Variants in KDM2B observed in about 807,000 individuals in gnomAD.
KDM2B encodes the protein lysine demethylase 2B, also known as lysine-specific demethylase 2B.
KDM2B carries 26 observed loss-of-function variants against 150.0 expected under a neutral mutation model. The observed-to-expected ratio is 0.17, with a 90% CI of 0.13 to 0.24. The LOEUF is 0.24. Ranked by LOEUF, KDM2B falls within the 10% of genes least tolerant of loss-of-function variation. KDM2B has a pLI of 1.00. For synonymous variants in KDM2B, 734 were observed against 729.5 expected (o/e 1.01, Z -0.10); for missense variants, 1,265 against 1,816.9 (o/e 0.70, Z 5.52).
intron 22 of KDM2B, 33 bp downstream of exon 22, chr12:121,439,824 G>A: frequency 6.6e-7 from 1 of 1,524,290 alleles, no homozygotes; most frequent in Non-Finnish European, 9.1e-7. Flanking sequence ...CCCACGGAGT[G>A]TTAGGCAGAC....
At chr12:121,573,479 T>C (rs1425554913) in intron 4 of KDM2B, among the ~76,000 whole-genome samples, 1 of 151,990 alleles carries the variant, frequency 6.6e-6, no homozygotes, top group African/African-American at 2.4e-5. Flanking sequence ...TTCACCATGT[T>C]GCCCAGTCTG....
intron 8 of KDM2B, among the ~76,000 whole-genome samples, chr12:121,527,624 A>C (rs1163425819): frequency 7.0e-6 from 1 of 142,700 alleles, no homozygotes. Flanking sequence ...ACTGCACTCC[A>C]GACTGGGTGA....
At position 121,434,593 on chromosome 12, in the gene KDM2B, A is replaced by G. The variant is rs967085375; in HGVS notation, c.3830-4124T>C. 5.3e-5 allele frequency among the ~76,000 whole-genome samples: 8 copies of G among 152,268 alleles called. No homozygotes were observed. In the East Asian group the frequency reaches 1.3e-3, roughly 26 times the overall value. On this transcript the variant is annotated intron_variant, in intron 22 of 22. Transcript: ENST00000377071. The stretch of plus-strand genomic sequence containing the variant: ...TTTTGAAAAGGGTGCTGCCAACAGC[A>G]TTCAATGAAGTAATAAATAATCTTT...
the KDM2B span, among the ~76,000 whole-genome samples, chr12:121,411,290 G>C: frequency 6.6e-6 from 1 of 152,032 alleles, no homozygotes; most frequent in South Asian, 2.1e-4. Flanking sequence ...TTTTCTTTCT[G>C]GGGAACAAAG....
At position 121,548,996 on chromosome 12, in the gene KDM2B, C is replaced by T. The variant is rs1380712822; in HGVS notation, c.577-13G>A. 20 of 1,600,980 alleles carry T rather than the reference C, an allele frequency of 1.2e-5. No individual in the cohort carries two copies. The Middle Eastern group carries it at 2.3e-3, about 185-fold the overall frequency. On this transcript the variant is annotated splice_polypyrimidine_tract_variant and intron_variant, in intron 5 of 22. Transcript: ENST00000377071. ...CCACCAGGTCTACCTGAAAGCCAGA[C>T]CAGTGTGAGCACTGCATTTCTCCAC... is the stretch of plus-strand genomic sequence containing the variant.
chr12:121,556,572 T>G (rs1441741318), intron 4 of KDM2B, among the ~76,000 whole-genome samples: 1 of 152,140 alleles, frequency 6.6e-6, no homozygotes, highest in Non-Finnish European at 1.5e-5. Flanking sequence ...CCAACCCAGC[T>G]GGGCACCATG....
At chr12:121,551,045 G>A (rs529650542) in intron 4 of KDM2B, among the ~76,000 whole-genome samples, 14 of 152,174 alleles carry the variant, frequency 9.2e-5, no homozygotes, top group Admixed American at 5.2e-4. Context: ...CTGAAAACCC[G>A]TAAGTATTTA....
In KDM2B at chr12:121,444,486, C is replaced by T. The variant is rs782535874; in HGVS notation, c.2154G>A (p.Glu718=). 6.2e-7 allele frequency: 1 copy of T among 1,614,202 alleles called. No homozygotes were observed. Among genetic ancestry groups the T allele is most frequent in the Non-Finnish European group, 8.5e-7 (1 of 1,180,044 alleles). The change falls in exon 15 of 23, where the codon GAG becomes GAA. Residue 718 remains glutamate (E), a synonymous_variant. Transcript: ENST00000377071. The stretch of plus-strand genomic sequence containing the variant: ...TGCCGGCGTGGTTACACTTCGGACA[C>T]TCCCAGCAGTTTGGAAGCTCGTCGT... ...VVNDELPNCW[E]CPKCNHAGKT...
chr12:121,441,016 G>A, intron 20 of KDM2B, 39 bp from the exon 21 acceptor site: 1 of 1,612,274 alleles, frequency 6.2e-7, no homozygotes, highest in Non-Finnish European at 8.5e-7. Context: ...CAGGGGATGT[G>A]TCCCCAGCCC....
intron 22 of KDM2B, among the ~76,000 whole-genome samples, chr12:121,439,544 C>A (rs1182830969): frequency 6.6e-6 from 1 of 151,752 alleles, no homozygotes; most frequent in Non-Finnish European, 1.5e-5. Context: ...CAACCCCCGG[C>A]TAATTTTTGT....
rs947069336 is a variant in KDM2B at position 121,452,651 on chromosome 12, A to G, written c.1959+469T>C. Among the ~76,000 whole-genome samples the G allele has an allele frequency of 1.3e-5, 2 of 152,258 alleles. No homozygotes were observed. Among genetic ancestry groups the G allele is most frequent in the Non-Finnish European group, 2.9e-5 (2 of 68,044 alleles). On this transcript the variant is annotated intron_variant, in intron 13 of 22. Coordinates refer to ENST00000377071, the MANE Select transcript of KDM2B (RefSeq NM_032590.5). This position sits in a 1 kb window ranked among gnomAD's most constrained non-coding sequence, Gnocchi z 4.4. The stretch of plus-strand genomic sequence containing the variant: ...GGGACGAGACCAGCGGCGCGGGGCC[A>G]CTGCCGGAGCTGAGGCCAGGCGGTG...
At chr12:121,558,558 A>G (rs1322026378) in intron 4 of KDM2B, among the ~76,000 whole-genome samples, 6 of 148,716 alleles carry the variant, frequency 4.0e-5, no homozygotes, top group Non-Finnish European at 7.4e-5. Context: ...GGTTCAAGCG[A>G]TTTTCCTGCC....
Position 121,575,964 on chromosome 12 carries a change from G to T in KDM2B, c.272-105C>A. 1.2e-6 allele frequency: 1 copy of T among 809,182 alleles called. No individual in the cohort carries two copies. The highest frequency in any genetic ancestry group is 2.2e-6 in the Non-Finnish European group (1 of 464,544). The allele number at this position is 809,182 out of a possible 1,614,324, so 50.1% of individuals were successfully genotyped here. ...AAAACTGATGGACGAAGGGGCAGGG[G>T]GTCCAGGAGATGCAGGCACCAGCTG... On this transcript the variant is annotated intron_variant, in intron 2 of 22. Coordinates refer to ENST00000377071, the MANE Select transcript of KDM2B (RefSeq NM_032590.5). The surrounding 1 kb of genome is among the most constrained non-coding windows in gnomAD (Gnocchi z 4.4).
Position 121,549,070 on chromosome 12 carries a change from C to T in KDM2B, c.577-87G>A. On this transcript the variant is annotated intron_variant, in intron 5 of 22. Transcript: ENST00000377071. The surrounding 1 kb of genome is among the most constrained non-coding windows in gnomAD (Gnocchi z 4.4). The stretch of plus-strand genomic sequence containing the variant: ...CTTTCCCCGGAGAGTCCTTGGGCCC[C>T]CCCGCTCCCCCAATCTACTGTGGGC... 1 of 1,046,128 alleles carries T rather than the reference C, an allele frequency of 9.6e-7. No individual in the cohort carries two copies. Among genetic ancestry groups the T allele is most frequent in the Non-Finnish European group, 1.5e-6 (1 of 688,334 alleles). 64.8% of individuals were successfully genotyped at this position (1,046,128 alleles called of 1,614,324 possible).
downstream of KDM2B, among the ~76,000 whole-genome samples, chr12:121,426,928 G>A (rs1373397402): frequency 6.6e-6 from 1 of 152,034 alleles, no homozygotes; most frequent in Non-Finnish European, 1.5e-5. Flanking sequence ...CCAGCCCCAT[G>A]CTGCTTTAAG....
chr12:121,520,635 G>A lies in KDM2B; in HGVS notation c.1047+350C>T, dbSNP rs546423179. On this transcript the variant is annotated intron_variant, in intron 9 of 22. Transcript: ENST00000377071. The surrounding 1 kb of genome is among the most constrained non-coding windows in gnomAD (Gnocchi z 4.5). ...CCACACCCATCCTCCAAACAACAGCGACCAAATCCCCCTAATCCCTCACAC... is the reference window on the plus strand; with the variant it reads ...CCACACCCATCCTCCAAACAACAGCAACCAAATCCCCCTAATCCCTCACAC... Among the ~76,000 whole-genome samples the A allele has an allele frequency of 5.9e-5, 9 of 152,130 alleles. No homozygotes were observed. Among genetic ancestry groups the A allele is most frequent in the Middle Eastern group, 3.4e-3 (1 of 294 alleles).
chr12:121,408,688 T>C, the KDM2B span, among the ~76,000 whole-genome samples: 1 of 152,182 alleles, frequency 6.6e-6, no homozygotes, highest in Non-Finnish European at 1.5e-5. Flanking sequence ...GAAGGATTTA[T>C]CTTCTGGATG....
At chr12:121,445,491 G>A in intron 13 of KDM2B, 73 bp from the exon 14 acceptor site, 3 of 1,453,560 alleles carry the variant, frequency 2.1e-6, no homozygotes, top group Non-Finnish European at 1.8e-6. Flanking sequence ...CCAGTTCAAG[G>A]GCAATGAGCT....
intron 6 of KDM2B, among the ~76,000 whole-genome samples, chr12:121,535,412 G>C (rs28520411): frequency 6.6e-6 from 1 of 151,880 alleles, no homozygotes; most frequent in Non-Finnish European, 1.5e-5. Context: ...GGGCTGGGGG[G>C]CAGGACAATG....
Sources: allele counts gnomAD v4.1 joint callset (sites outside exome capture counted in the v4.1 genomes callset), GRCh38; gene constraint gnomAD v4.1.1; non-coding constraint Gnocchi (gnomAD v3.1); transcripts MANE v1.5; gene names NCBI Gene and HGNC (gene_info 2026-07-23, HGNC 2026-07-21).